The following CLDN2 variants were observed in gnomAD, a reference collection of about 807,000 sequenced individuals.
CLDN2 encodes the protein claudin-2.
CLDN2 carries 1 observed loss-of-function variant against 8.2 expected under a neutral mutation model. The ratio of observed to expected loss-of-function variants is 0.12; its 90% CI spans 0.04 to 0.58. The LOEUF is 0.58. Ranked by LOEUF, CLDN2 falls within the 20% of genes least tolerant of loss-of-function variation. The pLI, the probability that CLDN2 is intolerant of heterozygous loss-of-function variation, is 0.90. For missense variants in CLDN2, 108 were observed against 172.9 expected (o/e 0.62, Z 2.11); for synonymous variants, 70 against 70.2 (o/e 1.00, Z 0.01).
chrX:106,903,079 C>G, intron 1 of CLDN2: 1 of 1,184,057 alleles, frequency 8.4e-7, no homozygotes, highest in African/African-American at 1.7e-5. Context: ...TCCTTCCTCT[C>G]TCAGGAAGCT....
chrX:106,923,743 A>G (rs1346500830), intron 1 of CLDN2, among the ~76,000 whole-genome samples: 1 of 111,572 alleles, frequency 9.0e-6, no homozygotes, highest in African/African-American at 3.3e-5. Flanking sequence ...GGGCCATTCC[A>G]AGTAATAGTT....
At chrX:106,906,976 G>A (rs1223503227) in intron 1 of CLDN2, among the ~76,000 whole-genome samples, 2 of 110,012 alleles carry the variant, frequency 1.8e-5, no homozygotes, top group Non-Finnish European at 3.8e-5. Flanking sequence ...TCTCAAATTT[G>A]TTGAAAGTAG....
At chrX:106,923,981 A>G (rs1328473308) in intron 1 of CLDN2, among the ~76,000 whole-genome samples, 1 of 111,858 alleles carries the variant, frequency 8.9e-6, no homozygotes, top group Admixed American at 9.5e-5. Flanking sequence ...AAACTAGAAG[A>G]ATCATTTTGA....
upstream of CLDN2, among the ~76,000 whole-genome samples, chrX:106,917,387 C>T (rs936339237): frequency 8.9e-6 from 1 of 112,153 alleles, no homozygotes; most frequent in Non-Finnish European, 1.9e-5. Flanking sequence ...ACAAGGTTAT[C>T]AAGGGCATTG....
intron 1 of CLDN2, among the ~76,000 whole-genome samples, chrX:106,910,625 C>T (rs2053756856): frequency 9.1e-6 from 1 of 109,545 alleles, no homozygotes; most frequent in Non-Finnish European, 1.9e-5. Context: ...GCAGGAGAAT[C>T]GCTTGAACCC....
intron 1 of CLDN2, chrX:106,902,190 GC>G (rs1933110770): frequency 8.4e-7 from 1 of 1,186,667 alleles, no homozygotes; most frequent in African/African-American, 1.8e-5. Flanking sequence ...GTGGAAGACA[GC>G]CAGGGCCTCC....
At chrX:106,911,272 A>G (rs1368291620) in intron 1 of CLDN2, among the ~76,000 whole-genome samples, 2 of 111,999 alleles carry the variant, frequency 1.8e-5, no homozygotes, top group African/African-American at 6.5e-5. Context: ...ACATACTTTC[A>G]GGTGTTTTTG....
chrX:106,921,213 G>A (rs1933388287), intron 1 of CLDN2, among the ~76,000 whole-genome samples: 1 of 112,347 alleles, frequency 8.9e-6, no homozygotes, highest in Non-Finnish European at 1.9e-5. Flanking sequence ...AAGTGAGAAT[G>A]CTTTACTTTG....
upstream of CLDN2, among the ~76,000 whole-genome samples, chrX:106,914,123 T>C (rs1373347328): frequency 1.8e-5 from 2 of 108,197 alleles, no homozygotes; most frequent in African/African-American, 6.8e-5. Flanking sequence ...CGGCTAATTT[T>C]TGCATTTTTA....
intron 1 of CLDN2, among the ~76,000 whole-genome samples, chrX:106,904,263 G>A (rs1933150049): frequency 8.8e-6 from 1 of 113,165 alleles, no homozygotes; most frequent in Non-Finnish European, 1.9e-5. Flanking sequence ...AGAGGCCTGA[G>A]CACAGTCCTC....
intron 1 of CLDN2, among the ~76,000 whole-genome samples, chrX:106,912,006 C>G (rs1933253142): frequency 9.0e-6 from 1 of 111,633 alleles, no homozygotes; most frequent in Non-Finnish European, 1.9e-5. Context: ...TTGGCTGGGA[C>G]AGCTCATGAA....
At chrX:106,914,250 C>A (rs992957284), upstream of CLDN2, among the ~76,000 whole-genome samples, 1 of 111,233 alleles carries the variant, frequency 9.0e-6, no homozygotes, top group Non-Finnish European at 1.9e-5. Flanking sequence ...CGCACCCGGC[C>A]ACAAACCCTC....
At chrX:106,914,071 G>A (rs1933282347), upstream of CLDN2, among the ~76,000 whole-genome samples, 1 of 105,899 alleles carries the variant, frequency 9.4e-6, no homozygotes, top group African/African-American at 3.5e-5. Flanking sequence ...TCCTGCCTCA[G>A]GCTCCCAAGC....
intron 1 of CLDN2, among the ~76,000 whole-genome samples, chrX:106,911,747 A>ACCTGG (rs1285775592): frequency 8.9e-6 from 1 of 112,162 alleles, no homozygotes; most frequent in African/African-American, 3.2e-5. Flanking sequence ...TCCCATCAGC[A>ACCTGG]CCTGGCACAG....
intron 1 of CLDN2, among the ~76,000 whole-genome samples, chrX:106,925,875 G>A (rs1405124243): frequency 2.7e-5 from 3 of 111,756 alleles, no homozygotes; most frequent in Non-Finnish European, 5.6e-5. Flanking sequence ...GCGTGGTGGC[G>A]TGCACCTGTA....
chrX:106,907,092 C>T (rs1039757489), intron 1 of CLDN2, among the ~76,000 whole-genome samples: 5 of 112,227 alleles, frequency 4.5e-5, no homozygotes, highest in South Asian at 7.5e-4. Context: ...CCAAAGGTCA[C>T]CAATGACCTC....
At chrX:106,901,655 C>G (rs1933096979) in intron 1 of CLDN2, 1 of 729,792 alleles carries the variant, frequency 1.4e-6, no homozygotes, top group South Asian at 2.9e-5. Flanking sequence ...TTAGACATCT[C>G]TGGGACCCAG....
intron 1 of CLDN2, among the ~76,000 whole-genome samples, chrX:106,922,358 G>C (rs1933405265): frequency 8.9e-6 from 1 of 112,664 alleles, no homozygotes; most frequent in African/African-American, 3.2e-5. Context: ...CCAAGCCTCA[G>C]TAATGGCATT....
intron 1 of CLDN2, among the ~76,000 whole-genome samples, chrX:106,912,335 A>T (rs1165405805): frequency 9.0e-6 from 1 of 110,583 alleles, no homozygotes; most frequent in African/African-American, 3.3e-5. Context: ...TGCATACTGA[A>T]GTGCAATTGT....
Sources: allele counts gnomAD v4.1 joint callset (sites outside exome capture counted in the v4.1 genomes callset), GRCh38; gene constraint gnomAD v4.1.1; transcripts MANE v1.5; gene names NCBI Gene and HGNC (gene_info 2026-07-23, HGNC 2026-07-21).